The following TACC1 variants were observed in gnomAD, a reference collection of about 807,000 sequenced individuals.
TACC1 encodes the protein transforming acidic coiled-coil containing protein 1.
A neutral mutation model predicts 84.4 loss-of-function variants in TACC1; 48 were observed. That is an observed-to-expected ratio of 0.57 (90% CI 0.45 to 0.72). The LOEUF is 0.72. Among genes scored for constraint, TACC1 ranks in the 30% least tolerant of loss-of-function variants. The probability of loss-of-function intolerance (pLI) is 0.00; values close to 1 mark genes in which losing one functional copy is unlikely to be tolerated. For missense variants in TACC1, 920 were observed against 973.0 expected (o/e 0.95, Z 0.72); for synonymous variants, 372 against 376.3 (o/e 0.99, Z 0.13).
chr8:38,761,351 C>T (rs1431135086), intron 3 of TACC1, among the ~76,000 whole-genome samples: 2 of 152,218 alleles, frequency 1.3e-5, no homozygotes, highest in African/African-American at 4.8e-5. Flanking sequence ...GTTGTCAATT[C>T]TTACTAGTTA....
chr8:38,783,907 T>A (rs1816633389), upstream of TACC1, among the ~76,000 whole-genome samples: 1 of 152,216 alleles, frequency 6.6e-6, no homozygotes. Context: ...TAGGTAAATA[T>A]CTGATCTTGC....
chr8:38,787,232 G>GCGGGAGTCCGCGAGC (rs1384187978), upstream of TACC1: 21 of 1,006,962 alleles, frequency 2.1e-5, no homozygotes, highest in East Asian at 9.6e-5. Context: ...CGGCCGGGAG[G>GCGGGAGTCCGCGAGC]CGGGAGTCCG....
chr8:38,803,481 AT>A (rs1821907001), intron 2 of TACC1, among the ~76,000 whole-genome samples: 1 of 151,970 alleles, frequency 6.6e-6, no homozygotes, highest in Non-Finnish European at 1.5e-5. Context: ...AGAGTGTTGG[AT>A]TTTGTCAAAT....
intron 1 of TACC1, among the ~76,000 whole-genome samples, chr8:38,738,244 AC>A (rs1405124341): frequency 6.6e-6 from 1 of 151,676 alleles, no homozygotes; most frequent in Non-Finnish European, 1.5e-5. Flanking sequence ...TCTCTCCAAA[AC>A]ATTAAAAAAA....
At chr8:38,843,916 CTT>C (rs1163792990) in intron 11 of TACC1, among the ~76,000 whole-genome samples, 2 of 152,126 alleles carry the variant, frequency 1.3e-5, no homozygotes, top group East Asian at 3.8e-4. Context: ...TGTGAGTTAT[CTT>C]TATGATCTGT....
intron 3 of TACC1, among the ~76,000 whole-genome samples, chr8:38,749,703 T>G (rs1009437381): frequency 6.6e-6 from 1 of 152,254 alleles, no homozygotes; most frequent in East Asian, 1.9e-4. Flanking sequence ...GCGATTCTCC[T>G]GCCTCAGCCT....
chr8:38,758,696 A>G (rs903412152), intron 3 of TACC1, among the ~76,000 whole-genome samples: 2 of 150,476 alleles, frequency 1.3e-5, no homozygotes, highest in Non-Finnish European at 3.0e-5. Flanking sequence ...AAAAAAAAAA[A>G]AAAAAAAAGC....
At chr8:38,732,708 C>A (rs962715822) in intron 1 of TACC1, among the ~76,000 whole-genome samples, 4 of 152,052 alleles carry the variant, frequency 2.6e-5, no homozygotes, top group Non-Finnish European at 4.4e-5. Flanking sequence ...TATTATTATC[C>A]CCGGTTTGCA....
chr8:38,823,685 C>T (rs551899597), intron 3 of TACC1, among the ~76,000 whole-genome samples: 6 of 152,152 alleles, frequency 3.9e-5, no homozygotes, highest in Admixed American at 3.3e-4. Flanking sequence ...AAAATCTTGT[C>T]GTCTTGTTCT....
At chr8:38,765,601 A>G (rs141911383) in intron 3 of TACC1, among the ~76,000 whole-genome samples, 44 of 152,290 alleles carry the variant, frequency 2.9e-4, no homozygotes, top group Non-Finnish European at 4.7e-4. Context: ...CATTCATTGA[A>G]CAAATGTTAA....
At chr8:38,771,281 T>C (rs1813554192) in intron 3 of TACC1, among the ~76,000 whole-genome samples, 1 of 151,224 alleles carries the variant, frequency 6.6e-6, no homozygotes, top group African/African-American at 2.4e-5. Context: ...GCCCCTAGAG[T>C]TTCAGGGAAA....
intron 2 of TACC1, among the ~76,000 whole-genome samples, chr8:38,798,237 C>T (rs1218333842): frequency 1.3e-5 from 2 of 152,132 alleles, no homozygotes; most frequent in Non-Finnish European, 2.9e-5. Context: ...ATCCTCCTGA[C>T]TCAGCCTTCC....
rs754547308 is a variant in TACC1 at position 38,788,788 on chromosome 8, C to T, written c.246C>T (p.Leu82=). The T allele has an allele frequency of 9.3e-6, 15 of 1,612,998 alleles. No individual in the cohort carries two copies. The East Asian group carries it at 2.9e-4, about 31-fold the overall frequency. The change falls in exon 2 of 13, where the codon CTC becomes CTT. Residue 82 remains leucine (L), a synonymous_variant. Coordinates refer to ENST00000317827, the MANE Select transcript of TACC1 (RefSeq NM_006283.3). ...SPFKESCDPS[L]GLAGPGAKSQ... is the part of the protein sequence containing the mutation. Reference sequence around the variant, plus strand: ...TCAAGGAGTCCTGTGATCCATCACTCGGATTGGCAGGACCTGGGGCCAAAA... The same window carrying T: ...TCAAGGAGTCCTGTGATCCATCACTTGGATTGGCAGGACCTGGGGCCAAAA...
upstream of TACC1, chr8:38,785,841 C>T: frequency 2.2e-6 from 1 of 453,922 alleles, no homozygotes; most frequent in Non-Finnish European, 2.9e-6. Flanking sequence ...ACACTCATGA[C>T]AATTTATTTC....
chr8:38,846,368 T>C (rs1832282057), intron 11 of TACC1: 1 of 168,604 alleles, frequency 5.9e-6, no homozygotes, highest in African/African-American at 2.4e-5. Context: ...GTCTCACAGA[T>C]GTCAGTGGTT....
rs778353050 is a variant in TACC1 at position 38,819,598 on chromosome 8, A to G, written c.354A>G (p.Ser118=). ...KCSSKTCSKP[S]ENEVPQQAID... is the part of the protein sequence containing the mutation. Reference sequence around the variant, plus strand: ...CATCTAAGACTTGTTCTAAACCTTCAGAAAATGAAGTGCCACAGCAGGCCA... The same window carrying G: ...CATCTAAGACTTGTTCTAAACCTTCGGAAAATGAAGTGCCACAGCAGGCCA... Residue 118 remains serine (S), a synonymous_variant, in exon 3 of 13, where the codon TCA becomes TCG. Transcript: ENST00000317827. 2 of 1,614,280 alleles carry G rather than the reference A, an allele frequency of 1.2e-6. No homozygotes were observed. Among genetic ancestry groups the G allele is most frequent in the African/African-American group, 1.3e-5 (1 of 75,080 alleles).
At chr8:38,814,377 A>G (rs1211700436) in intron 2 of TACC1, among the ~76,000 whole-genome samples, 1 of 152,260 alleles carries the variant, frequency 6.6e-6, no homozygotes, top group African/African-American at 2.4e-5. Flanking sequence ...GACTGACTGC[A>G]TATATGATGT....
At chr8:38,792,689 T>C (rs1446515969) in intron 2 of TACC1, among the ~76,000 whole-genome samples, 1 of 152,144 alleles carries the variant, frequency 6.6e-6, no homozygotes, top group Non-Finnish European at 1.5e-5. Flanking sequence ...ATGGTCTCGA[T>C]CTCCTGACCT....
At chr8:38,788,915 T>A in intron 2 of TACC1, 96 bp downstream of exon 2, 5 of 996,974 alleles carry the variant, frequency 5.0e-6, no homozygotes, top group Non-Finnish European at 7.4e-6. Context: ...TAGGACCATT[T>A]AAGAGAGTTT....
Sources: gnomAD v4.1 joint callset for allele counts (sites outside exome capture counted in the v4.1 genomes callset) on GRCh38, gnomAD v4.1.1 for gene constraint, MANE v1.5 for transcripts, NCBI Gene and HGNC (gene_info 2026-07-23, HGNC 2026-07-21) for gene names.